CDKL2: variants seen among roughly 807,000 people sequenced by gnomAD.
CDKL2 encodes cyclin-dependent kinase-like 2.
CDKL2 carries 64 observed loss-of-function variants against 63.9 expected under a neutral mutation model. The observed-to-expected ratio is 1.00, with a 90% CI of 0.82 to 1.23. The LOEUF is 1.23. CDKL2 is among the 50% of genes most tolerant of loss of function. CDKL2 has a pLI of 0.00. For synonymous variants in CDKL2, 211 were observed against 229.2 expected, an observed-to-expected ratio of 0.92 and a Z score of 0.72; for missense variants, 656 against 668.0, an observed-to-expected ratio of 0.98 and a Z score of 0.20.
chr4:75,597,617 TG>T, intron 8 of CDKL2, among the ~76,000 whole-genome samples: 1 of 152,338 alleles, frequency 6.6e-6, no homozygotes, highest in Admixed American at 6.5e-5. Context: ...GGATTGGTGG[TG>T]GATTTGAATT....
In CDKL2 at chr4:75,607,171, C is replaced by T. The variant is rs1729453595; in HGVS notation, c.542+12G>A. The T allele has an allele frequency of 1.3e-6, 2 of 1,597,064 alleles. No homozygotes were observed. The highest frequency in any genetic ancestry group is 1.3e-5 in the African/African-American group (1 of 74,496). ...AGTAAAAATCTACTCCTCCCCATTA[C>T]TGATGTCTTACTTGCCATACTTGAC... On this transcript the variant is annotated intron_variant, in intron 4 of 13. Coordinates refer to ENST00000307465, the MANE Select transcript of CDKL2 (RefSeq NM_001330724.2).
At chr4:75,620,373 T>G (rs1433120502) in intron 2 of CDKL2, among the ~76,000 whole-genome samples, 1 of 151,970 alleles carries the variant, frequency 6.6e-6, no homozygotes, top group Non-Finnish European at 1.5e-5. Flanking sequence ...ACTACTACTC[T>G]TTAAAAAAGA....
Position 75,597,100 on chromosome 4 carries a change from T to C in CDKL2, c.1157A>G (p.Asn386Ser), listed in dbSNP as rs563758976. 4.2e-5 allele frequency: 68 copies of C among 1,614,212 alleles called. No individual in the cohort carries two copies. The South Asian group carries it at 6.5e-4, about 15-fold the overall frequency. ...GAGGCTTGTTGAAGGCACTATTTTG[T>C]TGTGGCTTGTCCTACTGTCATGGAG... Reference protein sequence around the residue: ...SCLHDSRTSHNKIVPSTSLKD... With the variant: ...SCLHDSRTSHSKIVPSTSLKD... The change falls in exon 9 of 14, where the codon AAC becomes AGC. Residue 386 changes from asparagine to serine, a missense_variant. Coordinates refer to ENST00000307465, the MANE Select transcript of CDKL2 (RefSeq NM_001330724.2).
chr4:75,592,801 C>G (rs1267505992), intron 10 of CDKL2, among the ~76,000 whole-genome samples: 1 of 152,134 alleles, frequency 6.6e-6, no homozygotes, highest in Non-Finnish European at 1.5e-5. Flanking sequence ...CCCAGGAATA[C>G]AATTTATTAA....
chr4:75,591,923 G>A lies in CDKL2; in HGVS notation c.1543C>T (p.Arg515Ter), dbSNP rs1054286246. 3.3e-6 allele frequency: 5 copies of A among 1,533,134 alleles called. No homozygotes were observed. Among genetic ancestry groups the A allele is most frequent in the Middle Eastern group, 1.7e-4 (1 of 5,982 alleles). 95.0% of individuals were successfully genotyped at this position (1,533,134 alleles called of 1,614,324 possible). Residue 515 changes from arginine (R) to a stop codon, truncating the protein, a stop_gained and splice_region_variant, in exon 12 of 14, where the codon CGA (arginine) becomes TGA (stop). Coordinates refer to ENST00000307465, the MANE Select transcript of CDKL2 (RefSeq NM_001330724.2). LOFTEE classifies it high-confidence loss of function. ...TCTTTCTTTGTTAGCCTGGAATTTCGAGCTAGATAGAAATGACCATAAACA... is the reference window on the plus strand; with the variant it reads ...TCTTTCTTTGTTAGCCTGGAATTTCAAGCTAGATAGAAATGACCATAAACA... Reference protein sequence around the residue: ...PELRALGGIARNSRLTKKESK... With the variant: ...PELRALGGIA
Position 75,614,304 on chromosome 4 carries a change from T to C in CDKL2, c.314A>G (p.Lys105Arg), listed in dbSNP as rs1729830824. 6.2e-7 allele frequency: 1 copy of C among 1,609,548 alleles called. No individual in the cohort carries two copies. The highest frequency in any genetic ancestry group is 1.1e-5 in the South Asian group (1 of 89,592). Residue 105 changes from lysine (K) to arginine (R), a missense_variant, in exon 3 of 14, where the codon AAG (lysine) becomes AGG (arginine). Transcript: ENST00000307465. ...PNGLDYQVVQ[K>R]YLFQIINGIG... ...TCCATTAATAATCTGAAACAAATACTTTTGAACTACTTGGTAGTCTAGTCC... is the reference window on the plus strand; with the variant it reads ...TCCATTAATAATCTGAAACAAATACCTTTGAACTACTTGGTAGTCTAGTCC...
At chr4:75,616,563 G>C (rs1172282699) in intron 2 of CDKL2, among the ~76,000 whole-genome samples, 10 of 151,714 alleles carry the variant, frequency 6.6e-5, no homozygotes, top group African/African-American at 2.4e-5. Flanking sequence ...AAGTAATGAA[G>C]TAATATCAAT....
chr4:75,598,273 C>T (rs1253450504), intron 7 of CDKL2, 61 bp from the exon 8 acceptor site: 8 of 940,904 alleles, frequency 8.5e-6, no homozygotes, highest in Non-Finnish European at 9.1e-6. Context: ...AAAAAATTGA[C>T]TTTCAAGATA....
intron 6 of CDKL2, among the ~76,000 whole-genome samples, chr4:75,601,580 C>T (rs1193386452): frequency 6.6e-6 from 1 of 152,054 alleles, no homozygotes; most frequent in Non-Finnish European, 1.5e-5. Flanking sequence ...ATGATAAGTA[C>T]ATGAAGGTTT....
intron 6 of CDKL2, among the ~76,000 whole-genome samples, chr4:75,600,902 T>C (rs1729163962): frequency 1.3e-5 from 2 of 152,182 alleles, no homozygotes; most frequent in Non-Finnish European, 2.9e-5. Context: ...TCCTATGAAG[T>C]AGTTTTGCCA....
intron 12 of CDKL2, among the ~76,000 whole-genome samples, chr4:75,582,759 A>G (rs1280359435): frequency 6.6e-6 from 1 of 152,164 alleles, no homozygotes; most frequent in African/African-American, 2.4e-5. Context: ...TAATGAAAAG[A>G]AAAGATAAAA....
chr4:75,603,457 C>CA (rs1470209148), intron 6 of CDKL2, among the ~76,000 whole-genome samples: 1 of 150,732 alleles, frequency 6.6e-6, no homozygotes, highest in Non-Finnish European at 1.5e-5. Context: ...GAGGCCAGGG[C>CA]TGGTGGCTCA....
intron 6 of CDKL2, among the ~76,000 whole-genome samples, chr4:75,603,246 C>T (rs1578332996): frequency 7.0e-6 from 1 of 143,882 alleles, no homozygotes; most frequent in African/African-American, 2.6e-5. Flanking sequence ...ATGATCCACC[C>T]GCCTCGGCCT....
chr4:75,597,139 G>C lies in CDKL2; in HGVS notation c.1118C>G (p.Ser373Ter). The change falls in exon 9 of 14, where the codon TCA becomes TGA. Residue 373 changes from serine (S) to a stop codon, truncating the protein, a stop_gained. Transcript: ENST00000307465. LOFTEE classifies it high-confidence loss of function. ...ACTGTCATGGAGACAGCTGGCATTT[G>C]AAGCTCTATTGCCTTTTTCAGCTTT... The part of the protein sequence containing the change: ...GEKAEKGNRA[S>*]NASCLHDSRT... 2 of 1,614,014 alleles carry C rather than the reference G, an allele frequency of 1.2e-6. No individual in the cohort carries two copies.
At chr4:75,581,731 GA>G (rs775831218) in intron 13 of CDKL2, 78 bp downstream of exon 13, 4 of 712,260 alleles carry the variant, frequency 5.6e-6, no homozygotes, top group Non-Finnish European at 9.8e-6. Flanking sequence ...GGTTTCAGCT[GA>G]AAAATTGGTA....
At chr4:75,626,521 G>T (rs895889995) in intron 1 of CDKL2, among the ~76,000 whole-genome samples, 1 of 152,106 alleles carries the variant, frequency 6.6e-6, no homozygotes, top group African/African-American at 2.4e-5. Flanking sequence ...AGAAAAATTA[G>T]CCGGACTTGG....
rs762436003 is a variant in CDKL2, at chr4:75,598,072, T to C, written c.1020+5A>G. 6.7e-7 allele frequency: 1 copy of C among 1,484,222 alleles called. No homozygotes were observed. The highest frequency in any genetic ancestry group is 2.2e-5 in the Admixed American group (1 of 45,146). The allele number at this position is 1,484,222 out of a possible 1,614,324, so 91.9% of individuals were successfully genotyped here. On this transcript the variant is annotated splice_donor_5th_base_variant and intron_variant, in intron 8 of 13. Transcript: ENST00000307465. ...AAATCTAAAATGTGAAACATGAACA[T>C]TTACCTGTACCACAAGTGTTTTTCT... is the stretch of plus-strand genomic sequence containing the variant.
chr4:75,619,136 G>A (rs1352801748), intron 2 of CDKL2, among the ~76,000 whole-genome samples: 2 of 152,286 alleles, frequency 1.3e-5, no homozygotes, highest in Non-Finnish European at 2.9e-5. Flanking sequence ...GAGGTCCTGA[G>A]CTGGTAGTGT....
chr4:75,607,109 T>C (rs1418838683), intron 4 of CDKL2, 74 bp downstream of exon 4: 4 of 1,182,094 alleles, frequency 3.4e-6, no homozygotes, highest in Non-Finnish European at 4.8e-6. Context: ...GATCATTTAC[T>C]ATATCATAAA....
Sources: allele counts gnomAD v4.1 joint callset (sites outside exome capture counted in the v4.1 genomes callset), GRCh38; gene constraint gnomAD v4.1.1; transcripts MANE v1.5; gene names NCBI Gene and HGNC (gene_info 2026-07-23, HGNC 2026-07-21).